Variants in LRMDA observed in about 807,000 individuals in gnomAD.
LRMDA encodes the protein leucine rich melanocyte differentiation associated.
Under a neutral mutation model 29.8 loss-of-function variants are expected in LRMDA, and 18 were observed. The observed-to-expected ratio is 0.60, with a 90% CI of 0.42 to 0.90. The LOEUF is 0.90. LRMDA is among the 40% of genes least tolerant of loss of function. The pLI, the probability that LRMDA is intolerant of heterozygous loss-of-function variation, is 0.00. For synonymous variants in LRMDA, 125 were observed against 109.4 expected (o/e 1.14, Z -0.89); for missense variants, 273 against 273.9 (o/e 1.00, Z 0.02).
chr10:76,083,221 C>T (rs1477746757), intron 5 of LRMDA, among the ~76,000 whole-genome samples: 1 of 152,164 alleles, frequency 6.6e-6, no homozygotes, highest in East Asian at 1.9e-4. Context: ...TGCTGTGAAC[C>T]ACTTCCTCTC....
At chr10:75,495,404 G>A (rs1197476730) in intron 2 of LRMDA, among the ~76,000 whole-genome samples, 1 of 151,744 alleles carries the variant, frequency 6.6e-6, no homozygotes, top group African/African-American at 2.4e-5. Context: ...ATATTAAGAT[G>A]GTGGGCATGG....
chr10:75,531,488 C>T (rs180878768), intron 2 of LRMDA, among the ~76,000 whole-genome samples: 102 of 152,226 alleles, frequency 6.7e-4, no homozygotes, highest in Non-Finnish European at 1.2e-3. Context: ...CCCTGTACTC[C>T]CATCCTTTGT....
At chr10:76,292,704 C>T (rs1048131090) in intron 5 of LRMDA, among the ~76,000 whole-genome samples, 4 of 151,916 alleles carry the variant, frequency 2.6e-5, no homozygotes, top group Admixed American at 2.0e-4. Flanking sequence ...ACGCTTGTGT[C>T]GCTCCTGCAT....
chr10:76,433,374 TATA>T (rs764318033), intron 6 of LRMDA, among the ~76,000 whole-genome samples: 1 of 152,124 alleles, frequency 6.6e-6, no homozygotes, highest in African/African-American at 2.4e-5. Context: ...CTGAAATGAA[TATA>T]ATAATGGGAG....
chr10:76,320,683 A>T (rs1840760268), intron 5 of LRMDA, among the ~76,000 whole-genome samples: 1 of 152,234 alleles, frequency 6.6e-6, no homozygotes, highest in African/African-American at 2.4e-5. Flanking sequence ...TAATGAACAC[A>T]TGTAGAGATC....
chr10:76,047,306 G>C lies in LRMDA; in HGVS notation c.398+3G>C. 1 of 1,606,808 alleles carries C rather than the reference G, an allele frequency of 6.2e-7. No individual in the cohort carries two copies. Among genetic ancestry groups the C allele is most frequent in the Non-Finnish European group, 8.5e-7 (1 of 1,176,504 alleles). ...GAGGAAGACTACAAGAGATACAGGT[G>C]AGTGTCCAGGGGTTGGACCATGGTG... On this transcript the variant is annotated splice_donor_region_variant and intron_variant, in intron 4 of 6. Coordinates refer to ENST00000611255, the MANE Select transcript of LRMDA (RefSeq NM_001305581.2).
chr10:75,565,986 A>T (rs1840367559), intron 2 of LRMDA, among the ~76,000 whole-genome samples: 1 of 152,134 alleles, frequency 6.6e-6, no homozygotes, highest in South Asian at 2.1e-4. Flanking sequence ...GAGGTGGAAG[A>T]ATTGCTTGAG....
At chr10:75,477,619 C>T (rs774335360) in intron 2 of LRMDA, among the ~76,000 whole-genome samples, 1 of 152,172 alleles carries the variant, frequency 6.6e-6, no homozygotes. Context: ...AGTCCCCAGG[C>T]GCAACTGCTG....
intron 6 of LRMDA, among the ~76,000 whole-genome samples, chr10:76,478,135 T>A (rs1007393258): frequency 5.9e-5 from 9 of 151,614 alleles, no homozygotes; most frequent in Non-Finnish European, 1.3e-4. Flanking sequence ...TGGGAAAAAA[T>A]TTTTGCAATC....
intron 6 of LRMDA, among the ~76,000 whole-genome samples, chr10:76,350,032 CATATAATATCCTTT>C (rs1339777747): frequency 1.3e-5 from 2 of 151,796 alleles, no homozygotes; most frequent in Non-Finnish European, 2.9e-5. Context: ...TGAATGATAC[CATATAATATCCTTT>C]ATATAAAGCT....
chr10:76,454,744 A>C (rs1473933081), intron 6 of LRMDA, among the ~76,000 whole-genome samples: 2 of 151,984 alleles, frequency 1.3e-5, no homozygotes, highest in African/African-American at 4.8e-5. Flanking sequence ...AACTGCCAGG[A>C]CTATTTGTAA....
At chr10:75,565,676 A>C (rs1309489368) in intron 2 of LRMDA, among the ~76,000 whole-genome samples, 1 of 152,182 alleles carries the variant, frequency 6.6e-6, no homozygotes, top group Non-Finnish European at 1.5e-5. Context: ...CCAATAAATA[A>C]AGTCATGGAA....
At chr10:76,103,747 C>A (rs774977857) in intron 5 of LRMDA, among the ~76,000 whole-genome samples, 1 of 152,214 alleles carries the variant, frequency 6.6e-6, no homozygotes, top group Non-Finnish European at 1.5e-5. Context: ...AGACTGGTAT[C>A]TGCCCTTAGG....
chr10:76,031,724 C>T (rs556977565), intron 2 of LRMDA, among the ~76,000 whole-genome samples: 1 of 152,272 alleles, frequency 6.6e-6, no homozygotes, highest in Admixed American at 6.5e-5. Context: ...ACACCATTTT[C>T]TCAATTAAAA....
intron 2 of LRMDA, among the ~76,000 whole-genome samples, chr10:75,686,309 C>A (rs565490241): frequency 6.6e-6 from 1 of 152,170 alleles, no homozygotes; most frequent in Non-Finnish European, 1.5e-5. Flanking sequence ...CTTCTTCCTG[C>A]ATTCTTTGCC....
intron 2 of LRMDA, among the ~76,000 whole-genome samples, chr10:75,949,878 CGAA>C (rs1292994856): frequency 3.9e-5 from 6 of 152,096 alleles, no homozygotes; most frequent in Non-Finnish European, 7.4e-5. Context: ...CAAGATGTTG[CGAA>C]GAGGGCATGA....
intron 2 of LRMDA, among the ~76,000 whole-genome samples, chr10:75,585,423 G>A (rs1326883488): frequency 1.3e-5 from 2 of 152,148 alleles, no homozygotes; most frequent in African/African-American, 4.8e-5. Flanking sequence ...GCAGTTTTTG[G>A]TTATTTTGAA....
chr10:75,493,247 T>C (rs1360720873), intron 2 of LRMDA, among the ~76,000 whole-genome samples: 1 of 152,092 alleles, frequency 6.6e-6, no homozygotes, highest in African/African-American at 2.4e-5. Context: ...CTGGATATCC[T>C]TGGAGAACAA....
At chr10:76,260,757 A>G (rs558013399) in intron 5 of LRMDA, 1 of 152,214 alleles carries the variant, frequency 6.6e-6, no homozygotes, top group Admixed American at 6.5e-5. Flanking sequence ...GTTTTCAGCT[A>G]TTACTTTATT....
Sources: allele counts gnomAD v4.1 joint callset (sites outside exome capture counted in the v4.1 genomes callset), GRCh38; gene constraint gnomAD v4.1.1; transcripts MANE v1.5; gene names NCBI Gene and HGNC (gene_info 2026-07-23, HGNC 2026-07-21).